Variants in WASHC2C observed in about 807,000 individuals in gnomAD.
WASHC2C encodes the protein Vaccinia Penetration Factor.
A neutral mutation model predicts 142.2 loss-of-function variants in WASHC2C; 73 were observed. The ratio of observed to expected loss-of-function variants is 0.51; its 90% confidence interval spans 0.43 to 0.62. The LOEUF is 0.62. Among genes scored for constraint, WASHC2C ranks in the 20% least tolerant of loss-of-function variants. The pLI is 0.00. For missense variants in WASHC2C, 969 were observed against 1,531.7 expected (o/e 0.63, Z 6.13); for synonymous variants, 337 against 565.5 (o/e 0.60, Z 5.73).
chr10:45,736,354 C>T (rs1248077228), intron 3 of WASHC2C, among the ~76,000 whole-genome samples: 5 of 127,666 alleles, frequency 3.9e-5, no homozygotes, highest in East Asian at 2.6e-4. Context: ...TGCAGTGAGC[C>T]GAGATCGCAC....
chr10:45,737,855 C>G, intron 3 of WASHC2C, 128 bp from the exon 4 acceptor site: 5 of 1,586,492 alleles, frequency 3.2e-6, no homozygotes, highest in African/African-American at 1.4e-5. Flanking sequence ...TGGTAGTGGT[C>G]TCAGCCCTTT....
At chr10:45,736,076 T>C (rs190340848) in intron 3 of WASHC2C, among the ~76,000 whole-genome samples, 7,389 of 148,906 alleles carry the variant, frequency 0.05, 225 homozygotes, top group African/African-American at 0.094. Flanking sequence ...TTGAGACCAG[T>C]CTGGCCAACG....
At chr10:45,772,367 G>A (rs2056678132) in intron 20 of WASHC2C, among the ~76,000 whole-genome samples, 1 of 152,124 alleles carries the variant, frequency 6.6e-6, no homozygotes, top group Admixed American at 6.6e-5. Context: ...ATTGAAGTAT[G>A]CACTTTAAAA....
Position 45,790,596 on chromosome 10 carries a change from C to T in WASHC2C, c.3886+63C>T, listed in dbSNP as rs2058338188. 2.5e-6 allele frequency: 4 copies of T among 1,611,736 alleles called. No homozygotes were observed. The South Asian group carries it at 4.4e-5, about 18-fold the overall frequency. On this transcript the variant is annotated intron_variant, in intron 30 of 30. Transcript: ENST00000623400. ...TACCTTTCCATCACTTGGTATTTTT[C>T]CTGCTACCTTTTCTTGGCCCTTTTC... is the stretch of plus-strand genomic sequence containing the variant.
chr10:45,761,932 A>G (rs1316311945), intron 17 of WASHC2C, among the ~76,000 whole-genome samples: 2 of 152,152 alleles, frequency 1.3e-5, no homozygotes, highest in Admixed American at 1.3e-4. Flanking sequence ...GCACAGGGGA[A>G]AAACACTGTG....
At position 45,755,019 on chromosome 10, in the gene WASHC2C, C is replaced by T. The variant is rs781886040; in HGVS notation, c.1324C>T (p.Pro442Ser). 9 of 1,611,754 alleles carry T rather than the reference C, an allele frequency of 5.6e-6. No homozygotes were observed. The highest frequency in any genetic ancestry group is 2.2e-4 in the Middle Eastern group (1 of 4,452). ...TGAGCAGCCCACTCCAAGGAAAAGCCCCTATGGTCCCCCTCCCACTGGCCT... is the reference window on the plus strand; with the variant it reads ...TGAGCAGCCCACTCCAAGGAAAAGCTCCTATGGTCCCCCTCCCACTGGCCT... The part of the protein sequence containing the change: ...KPEQPTPRKS[P>S]YGPPPTGLFD... The change falls in exon 15 of 31, where the codon CCC (proline) becomes TCC (serine). Residue 442 changes from proline to serine, a missense_variant. By Grantham distance (74) the Pro-to-Ser change is moderately conservative (BLOSUM62 -1). Coordinates refer to ENST00000623400, the MANE Select transcript of WASHC2C (RefSeq NM_001330074.2).
intron 3 of WASHC2C, among the ~76,000 whole-genome samples, chr10:45,731,943 C>T (rs1254404649): frequency 1.3e-5 from 2 of 151,854 alleles, no homozygotes; most frequent in East Asian, 1.9e-4. Context: ...GACAGGCACC[C>T]GCCACCACAC....
Position 45,790,497 on chromosome 10 carries a change from A to G in WASHC2C, c.3850A>G (p.Lys1284Glu), listed in dbSNP as rs1376172207. The G allele has an allele frequency of 3.1e-6, 5 of 1,611,228 alleles. No individual in the cohort carries two copies. The highest frequency in any genetic ancestry group is 3.4e-6 in the Non-Finnish European group (4 of 1,179,658). Reference protein sequence around the residue: ...TVKPKEKSKKKVEAKSIFDDD... With the variant: ...TVKPKEKSKKEVEAKSIFDDD... ...AAAACCAAAAGAAAAGTCCAAAAAGAAAGTGGAAGCCAAGTCTATATTTGA... is the reference window on the plus strand; with the variant it reads ...AAAACCAAAAGAAAAGTCCAAAAAGGAAGTGGAAGCCAAGTCTATATTTGA... Residue 1284 changes from lysine to glutamate, a missense_variant, in exon 30 of 31, where the codon AAA (lysine) becomes GAA (glutamate). Physicochemically the swap from Lys to Glu is moderately conservative, Grantham distance 56. Coordinates refer to ENST00000623400, the MANE Select transcript of WASHC2C (RefSeq NM_001330074.2).
intron 20 of WASHC2C, among the ~76,000 whole-genome samples, chr10:45,770,267 A>G (rs2056447133): frequency 1.4e-5 from 2 of 142,826 alleles, no homozygotes; most frequent in Non-Finnish European, 3.0e-5. Flanking sequence ...AAGTTATTTG[A>G]ATAGAAATCT....
chr10:45,771,416 G>T, intron 20 of WASHC2C: 3 of 899,794 alleles, frequency 3.3e-6, no homozygotes, highest in Non-Finnish European at 4.0e-6. Flanking sequence ...AGACAAGAAA[G>T]AGAAGAAATA....
chr10:45,790,256 A>T lies in WASHC2C; in HGVS notation c.3709-100A>T, dbSNP rs1247120465. 2.6e-5 allele frequency: 41 copies of T among 1,587,292 alleles called. No homozygotes were observed. The African/African-American group carries it at 5.4e-4, about 21-fold the overall frequency. On this transcript the variant is annotated intron_variant, in intron 29 of 30. Transcript: ENST00000623400. ...GTGGGCAGTCTCGAGGCCGTTCCACACACCCTGGCCAATTGCATTTCCATA... is the reference window on the plus strand; with the variant it reads ...GTGGGCAGTCTCGAGGCCGTTCCACTCACCCTGGCCAATTGCATTTCCATA...
chr10:45,736,239 C>A (rs572478588), intron 3 of WASHC2C, among the ~76,000 whole-genome samples: 1 of 151,252 alleles, frequency 6.6e-6, no homozygotes, highest in South Asian at 2.1e-4. Flanking sequence ...CCCATCTCTA[C>A]TAAAAATACA....
intron 4 of WASHC2C, among the ~76,000 whole-genome samples, chr10:45,738,966 C>G (rs1342805851): frequency 6.6e-6 from 1 of 152,182 alleles, no homozygotes; most frequent in Non-Finnish European, 1.5e-5. Context: ...CTTGGCCTCC[C>G]AAAGTGCTAG....
intron 20 of WASHC2C, among the ~76,000 whole-genome samples, chr10:45,772,901 C>T (rs1241254882): frequency 3.3e-4 from 50 of 152,106 alleles, no homozygotes; most frequent in African/African-American, 1.0e-3. Flanking sequence ...GAAATAGGCA[C>T]GTCCGCTTTG....
chr10:45,787,366 C>G lies in WASHC2C; in HGVS notation c.3087+119C>G, dbSNP rs1198969297. 2.0e-6 allele frequency: 3 copies of G among 1,499,718 alleles called. No individual in the cohort carries two copies. The East Asian group carries it at 7.2e-5, about 36-fold the overall frequency. The allele number at this position is 1,499,718 out of a possible 1,614,324, so 92.9% of individuals were successfully genotyped here. A position where few individuals can be genotyped will look rare whatever the true frequency, so the allele number is the denominator to read the frequency against. On this transcript the variant is annotated intron_variant, in intron 28 of 30. Transcript: ENST00000623400. ...TTGACTCTCCTTTTGAAGGAGGTGC[C>G]TCATCCTTCCTTCAGCCGCTCCCCC...
chr10:45,750,608 T>C (rs1286141808), intron 9 of WASHC2C, 143 bp from the exon 10 acceptor site: 1 of 892,888 alleles, frequency 1.1e-6, no homozygotes, highest in Non-Finnish European at 1.8e-6. Context: ...ATAGGGTACA[T>C]ATGTTTAAAT....
At chr10:45,748,875 TG>T (rs2053182815) in intron 8 of WASHC2C, among the ~76,000 whole-genome samples, 1 of 152,252 alleles carries the variant, frequency 6.6e-6, no homozygotes, top group Non-Finnish European at 1.5e-5. Context: ...CAGAGGTAAC[TG>T]GGATCATGCT....
chr10:45,733,802 C>T (rs571918861), intron 3 of WASHC2C, among the ~76,000 whole-genome samples: 1 of 152,162 alleles, frequency 6.6e-6, no homozygotes, highest in South Asian at 2.1e-4. Flanking sequence ...AATCCCTGAT[C>T]TTTATAGAGC....
chr10:45,779,096 T>A lies in WASHC2C; in HGVS notation c.2439T>A (p.Asp813Glu). The A allele has an allele frequency of 1.2e-6, 2 of 1,611,014 alleles. No homozygotes were observed. Residue 813 changes from aspartate to glutamate, a missense_variant, in exon 23 of 31, where the codon GAT becomes GAA. Asp to Glu is a conservative substitution (Grantham distance 45). Transcript: ENST00000623400. ...ATGAGGAAGAGGATAAAATGGAAGA[T>A]CAAAACATTATCCAGGCTCCACAGA... is the stretch of plus-strand genomic sequence containing the variant. ...LFDEEEDKME[D>E]QNIIQAPQKE...
Sources: gnomAD v4.1 joint callset for allele counts (sites outside exome capture counted in the v4.1 genomes callset) on GRCh38, gnomAD v4.1.1 for gene constraint, MANE v1.5 for transcripts, NCBI Gene and HGNC (gene_info 2026-07-23, HGNC 2026-07-21) for gene names.